Variants in GJB7 observed in about 807,000 individuals in gnomAD.
The protein encoded by GJB7 is gap junction beta-7 protein.
For synonymous variants in GJB7, 87 were observed against 95.2 expected (o/e 0.91, Z 0.50); for missense variants, 253 against 256.8 (o/e 0.99, Z 0.10).
rs552807784 is a variant in GJB7 at position 87,329,184 on chromosome 6, C to T, written c.-252G>A. The T allele has an allele frequency of 2.6e-5, 4 of 155,418 alleles. No individual in the cohort carries two copies. The highest frequency in any genetic ancestry group is 6.5e-5 in the Admixed American group (1 of 15,334). The allele number at this position is 155,418 out of a possible 1,614,324, so 9.6% of individuals were successfully genotyped here. A position where few individuals can be genotyped will look rare whatever the true frequency, so the allele number is the denominator to read the frequency against. The stretch of plus-strand genomic sequence containing the variant: ...CCCTAGTGAGATGAACCCGGTACCT[C>T]GACTGGAAATGCAGAAATCACCCAT... On this transcript the variant is annotated 5_prime_UTR_variant, in exon 1 of 3. Coordinates refer to ENST00000525899, the MANE Select transcript of GJB7 (RefSeq NM_198568.3).
rs956867398 is a variant in GJB7, at chr6:87,322,919, A to G, written c.-81T>C. The G allele has an allele frequency of 3.9e-5, 6 of 152,130 alleles. No individual in the cohort carries two copies. Among genetic ancestry groups the G allele is most frequent in the Non-Finnish European group, 8.8e-5 (6 of 68,110 alleles). 9.4% of individuals were successfully genotyped at this position (152,130 alleles called of 1,614,324 possible). A position where few individuals can be genotyped will look rare whatever the true frequency, so the allele number is the denominator to read the frequency against. ...CATCCATGGACACCCCCACCCCGAG[A>G]ACTCTCTCGTTTCCTGCAGTTTCTT... On this transcript the variant is annotated 5_prime_UTR_variant, in exon 2 of 3. Transcript: ENST00000525899.
Position 87,285,902 on chromosome 6 carries a change from C to T in GJB7, c.-27-963G>A, listed in dbSNP as rs186030281. Among the ~76,000 whole-genome samples, 6 of 152,328 alleles carry T rather than the reference C, an allele frequency of 3.9e-5. No homozygotes were observed. In the East Asian group the frequency reaches 1.2e-3, roughly 29 times the overall value. On this transcript the variant is annotated intron_variant, in intron 2 of 2. Transcript: ENST00000525899. Reference sequence around the variant, plus strand: ...TGCTAAAGTTAGCACTGTCATGCAACTGCCAAATCTTCTGGACACTTGGAT... The same window carrying T: ...TGCTAAAGTTAGCACTGTCATGCAATTGCCAAATCTTCTGGACACTTGGAT...
chr6:87,293,016 GTTTAT>G (rs1254944181), intron 2 of GJB7, among the ~76,000 whole-genome samples: 9 of 152,250 alleles, frequency 5.9e-5, no homozygotes, highest in South Asian at 2.1e-4. Flanking sequence ...GAAGAATGTA[GTTTAT>G]TTTATTTTAT....
chr6:87,322,539 CG>C (rs1204890253), intron 2 of GJB7: 2 of 152,282 alleles, frequency 1.3e-5, no homozygotes, highest in Non-Finnish European at 1.5e-5. Context: ...GCTGTGGCGC[CG>C]GGCGGGGCGC....
chr6:87,287,128 C>G (rs1267507809), intron 2 of GJB7, among the ~76,000 whole-genome samples: 2 of 152,196 alleles, frequency 1.3e-5, no homozygotes, highest in African/African-American at 4.8e-5. Flanking sequence ...ACAAAATCTT[C>G]CCAGTTGAGA....
chr6:87,312,979 T>C (rs1277765085), intron 2 of GJB7, among the ~76,000 whole-genome samples: 1 of 152,226 alleles, frequency 6.6e-6, no homozygotes, highest in African/African-American at 2.4e-5. Context: ...TGTTACCATG[T>C]GAGACTGTCC....
chr6:87,284,098 G>T lies in GJB7; in HGVS notation c.*143C>A, dbSNP rs943335774. 1.8e-5 allele frequency: 12 copies of T among 670,724 alleles called. No individual in the cohort carries two copies. The highest frequency in any genetic ancestry group is 3.0e-5 in the Non-Finnish European group (12 of 394,790). 41.5% of individuals were successfully genotyped at this position (670,724 alleles called of 1,614,324 possible). A position where few individuals can be genotyped will look rare whatever the true frequency, so the allele number is the denominator to read the frequency against. On this transcript the variant is annotated 3_prime_UTR_variant, in exon 3 of 3. Coordinates refer to ENST00000525899, the MANE Select transcript of GJB7 (RefSeq NM_198568.3). ...TAGGCCTTGCTGAGGAGGGATGCAG[G>T]TTTTCTTTGTTTAACCCTCTTGTGT... is the stretch of plus-strand genomic sequence containing the variant.
rs1265844538 is a variant in GJB7, at chr6:87,284,199, G to T, written c.*42C>A. ...GTGAAGATTCTGGAGTAGGGGAGGGGTCCCTCTCCTACCACATTCAACATA... is the reference window on the plus strand; with the variant it reads ...GTGAAGATTCTGGAGTAGGGGAGGGTTCCCTCTCCTACCACATTCAACATA... On this transcript the variant is annotated 3_prime_UTR_variant, in exon 3 of 3. Transcript: ENST00000525899. 4 of 1,470,254 alleles carry T rather than the reference G, an allele frequency of 2.7e-6. No individual in the cohort carries two copies. Among genetic ancestry groups the T allele is most frequent in the South Asian group, 1.2e-5 (1 of 82,052 alleles). 91.1% of individuals were successfully genotyped at this position (1,470,254 alleles called of 1,614,324 possible).
intron 2 of GJB7, chr6:87,300,444 G>T: frequency 4.1e-6 from 1 of 242,758 alleles, no homozygotes; most frequent in Admixed American, 3.7e-5. Flanking sequence ...GAGGTGAGAT[G>T]TTCTTATTCC....
At chr6:87,290,817 C>T (rs190744756) in intron 2 of GJB7, among the ~76,000 whole-genome samples, 2 of 152,270 alleles carry the variant, frequency 1.3e-5, no homozygotes, top group Admixed American at 6.5e-5. Flanking sequence ...GGAGTAGTTG[C>T]GACAGAGACA....
chr6:87,285,992 G>C (rs1213679384), intron 2 of GJB7, among the ~76,000 whole-genome samples: 1 of 152,158 alleles, frequency 6.6e-6, no homozygotes, highest in Non-Finnish European at 1.5e-5. Flanking sequence ...AACTTCTTCA[G>C]ACTTGAGTTC....
intron 2 of GJB7, among the ~76,000 whole-genome samples, chr6:87,314,092 C>A (rs1451277167): frequency 6.6e-6 from 1 of 152,212 alleles, no homozygotes; most frequent in Non-Finnish European, 1.5e-5. Flanking sequence ...CTTTTTATAT[C>A]TACATTAAAG....
chr6:87,326,739 T>C (rs1302057338), intron 1 of GJB7, among the ~76,000 whole-genome samples: 1 of 122,402 alleles, frequency 8.2e-6, no homozygotes, highest in African/African-American at 3.3e-5. Flanking sequence ...AAAATGTATA[T>C]TCTGTTGATT....
chr6:87,305,058 C>G (rs1052529282), intron 2 of GJB7, among the ~76,000 whole-genome samples: 2 of 152,216 alleles, frequency 1.3e-5, no homozygotes, highest in African/African-American at 4.8e-5. Flanking sequence ...GACAAACCCA[C>G]AGCCAATATC....
chr6:87,329,039 C>G, intron 1 of GJB7, 99 bp downstream of exon 1: 1 of 153,082 alleles, frequency 6.5e-6, no homozygotes, highest in Non-Finnish European at 1.5e-5. Flanking sequence ...TCACCCTTTT[C>G]TTTGACTAGG....
intron 2 of GJB7, among the ~76,000 whole-genome samples, chr6:87,293,178 C>T (rs937379507): frequency 3.9e-5 from 6 of 152,086 alleles, no homozygotes; most frequent in Non-Finnish European, 7.4e-5. Context: ...ACTACAGGCA[C>T]GCGCCACCAC....
At chr6:87,325,012 A>G (rs899067164) in intron 1 of GJB7, among the ~76,000 whole-genome samples, 1 of 151,686 alleles carries the variant, frequency 6.6e-6, no homozygotes, top group East Asian at 1.9e-4. Flanking sequence ...ATTCCTAGGT[A>G]TTTTATTCTC....
intron 2 of GJB7, among the ~76,000 whole-genome samples, chr6:87,298,586 A>G (rs1562210985): frequency 6.6e-6 from 1 of 152,226 alleles, no homozygotes; most frequent in Non-Finnish European, 1.5e-5. Context: ...CTCAGAAGCT[A>G]AAAACAAAAC....
intron 2 of GJB7, among the ~76,000 whole-genome samples, chr6:87,303,635 G>A (rs1049385385): frequency 1.3e-5 from 2 of 152,100 alleles, no homozygotes; most frequent in African/African-American, 4.8e-5. Context: ...AAATTAACAA[G>A]GATATCCAGG....
Sources: allele counts gnomAD v4.1 joint callset (sites outside exome capture counted in the v4.1 genomes callset), GRCh38; gene constraint gnomAD v4.1.1; transcripts MANE v1.5; gene names NCBI Gene and HGNC (gene_info 2026-07-23, HGNC 2026-07-21).